Variants in KIAA1614 observed in about 807,000 individuals in gnomAD.
The protein encoded by KIAA1614 is KIAA1614.
KIAA1614 carries 76 observed loss-of-function variants against 88.7 expected under a neutral mutation model. That is an observed-to-expected ratio of 0.86 (90% CI 0.71 to 1.04). The LOEUF is 1.04. Among genes scored for constraint, KIAA1614 ranks in the 50% least tolerant of loss-of-function variants. The pLI is 0.00. For missense variants in KIAA1614, 1,553 were observed against 1,582.5 expected (o/e 0.98, Z 0.32); for synonymous variants, 714 against 675.5 (o/e 1.06, Z -0.88).
rs1367617427 is a variant in KIAA1614 at position 180,949,964 on chromosome 1, A to T, written c.*4376A>T. On this transcript the variant is annotated 3_prime_UTR_variant, in exon 9 of 9. Coordinates refer to ENST00000367588, the MANE Select transcript of KIAA1614 (RefSeq NM_020950.2). ...GAGTAGGTATGGTTCCTAATTTTTA[A>T]AAACTATTTTCCTCCCAATTCTACA... 6.6e-6 allele frequency: 1 copy of T among 152,342 alleles called. No individual in the cohort carries two copies. Among genetic ancestry groups the T allele is most frequent in the Non-Finnish European group, 1.5e-5 (1 of 68,110 alleles). The allele number at this position is 152,342 out of a possible 1,614,324, so 9.4% of individuals were successfully genotyped here.
rs766036901 is a variant in KIAA1614 at position 180,935,577 on chromosome 1, C to T, written c.1668C>T (p.Val556=). 2 of 1,608,198 alleles carry T rather than the reference C, an allele frequency of 1.2e-6. No homozygotes were observed. Among genetic ancestry groups the T allele is most frequent in the Non-Finnish European group, 1.7e-6 (2 of 1,177,824 alleles). Residue 556 remains valine, a synonymous_variant, in exon 5 of 9, where the codon GTC becomes GTT. Coordinates refer to ENST00000367588, the MANE Select transcript of KIAA1614 (RefSeq NM_020950.2). The surrounding 1 kb of genome is among the most constrained non-coding windows in gnomAD (Gnocchi z 6.1). ...CCGCCCAGGGGAAGGCGCCCCCCGT[C>T]CCCAGGACCCTCCAGGAGCTCCAGG... ...PRPAQGKAPP[V]PRTLQELQAA...
At chr1:180,943,827 C>T (rs1287330949) in intron 7 of KIAA1614, among the ~76,000 whole-genome samples, 1 of 152,026 alleles carries the variant, frequency 6.6e-6, no homozygotes, top group Non-Finnish European at 1.5e-5. Context: ...GGATTACAGG[C>T]ATGAGCCACT....
At chr1:180,921,187 T>G (rs1653946077) in intron 3 of KIAA1614, among the ~76,000 whole-genome samples, 1 of 135,714 alleles carries the variant, frequency 7.4e-6, no homozygotes, top group Non-Finnish European at 1.6e-5. Flanking sequence ...AAAATTACAA[T>G]CGAAGGGGGT....
rs1653681037 is a variant in KIAA1614, at chr1:180,913,016, G to C, written c.-228G>C. ...TCGCCGGGAGGGAGTGCGGCCCGTG[G>C]GGCGCTGCGCCGGCCAGACCCACCC... On this transcript the variant is annotated 5_prime_UTR_variant, in exon 1 of 9. Coordinates refer to ENST00000367588, the MANE Select transcript of KIAA1614 (RefSeq NM_020950.2). 2.1e-5 allele frequency: 6 copies of C among 283,278 alleles called. No individual in the cohort carries two copies. The highest frequency in any genetic ancestry group is 3.9e-5 in the Non-Finnish European group (6 of 153,200). The allele number at this position is 283,278 out of a possible 1,614,324, so 17.5% of individuals were successfully genotyped here. A position where few individuals can be genotyped will look rare whatever the true frequency, so the allele number is the denominator to read the frequency against.
At position 180,948,849 on chromosome 1, in the gene KIAA1614, G is replaced by C. The variant is rs1571305969; in HGVS notation, c.*3261G>C. 2.0e-5 allele frequency: 3 copies of C among 152,298 alleles called. No homozygotes were observed. The East Asian group carries it at 5.8e-4, about 29-fold the overall frequency. The allele number at this position is 152,298 out of a possible 1,614,324, so 9.4% of individuals were successfully genotyped here. ...GGGATTCTACACCTCAGACCAGGGA[G>C]GGGGAATGTGTACAAAGATTGGATT... is the stretch of plus-strand genomic sequence containing the variant. On this transcript the variant is annotated 3_prime_UTR_variant, in exon 9 of 9. Coordinates refer to ENST00000367588, the MANE Select transcript of KIAA1614 (RefSeq NM_020950.2).
chr1:180,921,455 CG>C (rs961668689), intron 3 of KIAA1614, among the ~76,000 whole-genome samples: 1 of 152,048 alleles, frequency 6.6e-6, no homozygotes, highest in Admixed American at 6.5e-5. Flanking sequence ...ACCTCTGTGG[CG>C]GGGGGAGTTA....
Position 180,925,980 on chromosome 1 carries a change from C to T in KIAA1614, c.1062-2450C>T, listed in dbSNP as rs887831080. Among the ~76,000 whole-genome samples, 85 of 152,226 alleles carry T rather than the reference C, an allele frequency of 5.6e-4. 1 individual carries two copies. Among genetic ancestry groups the T allele is most frequent in the Non-Finnish European group, 2.4e-4 (16 of 68,040 alleles). Reference sequence around the variant, plus strand: ...AGTCCTCTCCCCTCTCCAGCCCCCACTGCTTGCAGATGGGGAAACTGAGGC... The same window carrying T: ...AGTCCTCTCCCCTCTCCAGCCCCCATTGCTTGCAGATGGGGAAACTGAGGC... On this transcript the variant is annotated intron_variant, in intron 3 of 8. Transcript: ENST00000367588.
Position 180,941,081 on chromosome 1 carries a change from C to T in KIAA1614, c.2955C>T (p.Pro985=). The T allele has an allele frequency of 3.1e-6, 5 of 1,611,898 alleles. No individual in the cohort carries two copies. Among genetic ancestry groups the T allele is most frequent in the Admixed American group, 1.7e-5 (1 of 59,944 alleles). Residue 985 remains proline, a synonymous_variant, in exon 7 of 9, where the codon CCC becomes CCT. Transcript: ENST00000367588. ...GAGCTGGCACAGGACCCGGCTCCCC[C>T]TCGGCTGCCCCTTTGGACCAGAACA... ...SAGAGTGPGS[P]SAAPLDQNKK... is the part of the protein sequence containing the mutation.
At chr1:180,931,770 G>C (rs1478741291) in intron 4 of KIAA1614, among the ~76,000 whole-genome samples, 1 of 152,204 alleles carries the variant, frequency 6.6e-6, no homozygotes, top group Non-Finnish European at 1.5e-5. Context: ...GGGCTCCCTT[G>C]TTAGATTAGG....
At chr1:180,927,451 A>G (rs1460065679) in intron 3 of KIAA1614, among the ~76,000 whole-genome samples, 1 of 152,204 alleles carries the variant, frequency 6.6e-6, no homozygotes, top group Non-Finnish European at 1.5e-5. Flanking sequence ...TCCGCTTGCA[A>G]TTGACGTTCG....
intron 4 of KIAA1614, among the ~76,000 whole-genome samples, chr1:180,933,869 AG>A (rs1558069201): frequency 6.6e-6 from 1 of 152,244 alleles, no homozygotes; most frequent in Non-Finnish European, 1.5e-5. Flanking sequence ...TCAGGGGCCA[AG>A]GAGAAACATC....
chr1:180,950,471 C>A lies in KIAA1614; in HGVS notation c.*4883C>A. On this transcript the variant is annotated 3_prime_UTR_variant, in exon 9 of 9. Transcript: ENST00000367588. ...GCTGGGCTTGGCTCACATTAAGGAG[C>A]TCCTGGCCCACTCAGAGAGCTTGTC... 1 of 1,157,424 alleles carries A rather than the reference C, an allele frequency of 8.6e-7. No homozygotes were observed. The highest frequency in any genetic ancestry group is 3.9e-5 in the Admixed American group (1 of 25,424). 71.7% of individuals were successfully genotyped at this position (1,157,424 alleles called of 1,614,324 possible).
At position 180,935,102 on chromosome 1, in the gene KIAA1614, GTC is replaced by G; in HGVS notation, c.1206-9_1206-8del. ...TTCTGCCCTTGACCTCTCTCCTCCT[GTC>G]TCTTCATCAGAGATGGCCACAGAAG... On this transcript the variant is annotated splice_polypyrimidine_tract_variant and intron_variant, in intron 4 of 8. Transcript: ENST00000367588. The surrounding 1 kb of genome is among the most constrained non-coding windows in gnomAD (Gnocchi z 6.1). The G allele has an allele frequency of 2.8e-6, 4 of 1,404,820 alleles. 1 individual carries two copies. In the South Asian group the frequency reaches 5.4e-5, roughly 19 times the overall value. 87.0% of individuals were successfully genotyped at this position (1,404,820 alleles called of 1,614,324 possible).
Position 180,936,144 on chromosome 1 carries a change from A to G in KIAA1614, c.2235A>G (p.Thr745=). Residue 745 remains threonine, a synonymous_variant, in exon 5 of 9, where the codon ACA becomes ACG. Coordinates refer to ENST00000367588, the MANE Select transcript of KIAA1614 (RefSeq NM_020950.2). ...TGGATTCCCGGACTCCATGCAGGAC[A>G]GCCTATGCCACCACCGCCCCCATGA... ...HPLDSRTPCR[T]AYATTAPMTP... is the part of the protein sequence containing the mutation. 6.2e-7 allele frequency: 1 copy of G among 1,614,110 alleles called. No homozygotes were observed. Among genetic ancestry groups the G allele is most frequent in the Non-Finnish European group, 8.5e-7 (1 of 1,179,996 alleles).
At chr1:180,930,012 A>G (rs1654158871) in intron 4 of KIAA1614, among the ~76,000 whole-genome samples, 1 of 152,144 alleles carries the variant, frequency 6.6e-6, no homozygotes, top group Non-Finnish European at 1.5e-5. Context: ...TGTGACCCTT[A>G]GGAGAGGGGC....
chr1:180,945,876 G>T lies in KIAA1614; in HGVS notation c.*288G>T, dbSNP rs994456017. The stretch of plus-strand genomic sequence containing the variant: ...TCCCAGAACTTTGGGAGGCCGAGGC[G>T]CCTGGATCACCTGAGGTCAGGAGTT... On this transcript the variant is annotated 3_prime_UTR_variant, in exon 9 of 9. Transcript: ENST00000367588. The T allele has an allele frequency of 9.5e-7, 1 of 1,057,874 alleles. No homozygotes were observed. Among genetic ancestry groups the T allele is most frequent in the Admixed American group, 5.0e-5 (1 of 19,822 alleles). The allele number at this position is 1,057,874 out of a possible 1,614,324, so 65.5% of individuals were successfully genotyped here. A position where few individuals can be genotyped will look rare whatever the true frequency, so the allele number is the denominator to read the frequency against.
At chr1:180,927,369 G>A (rs1654091303) in intron 3 of KIAA1614, among the ~76,000 whole-genome samples, 1 of 152,250 alleles carries the variant, frequency 6.6e-6, no homozygotes, top group African/African-American at 2.4e-5. Context: ...CCTGCCCTGA[G>A]ACCCAAGGCA....
chr1:180,922,405 G>A (rs1355497217), intron 3 of KIAA1614, among the ~76,000 whole-genome samples: 1 of 152,096 alleles, frequency 6.6e-6, no homozygotes, highest in Non-Finnish European at 1.5e-5. Context: ...GTGAGTGATC[G>A]AGGACCAAAA....
chr1:180,924,108 A>G (rs1158811390), intron 3 of KIAA1614, among the ~76,000 whole-genome samples: 1 of 152,232 alleles, frequency 6.6e-6, no homozygotes, highest in Non-Finnish European at 1.5e-5. Context: ...ACCCTGTCCC[A>G]TGCTGCGTCA....
Sources: gnomAD v4.1 joint callset for allele counts (sites outside exome capture counted in the v4.1 genomes callset) on GRCh38, gnomAD v4.1.1 for gene constraint, Gnocchi (gnomAD v3.1) non-coding constraint, MANE v1.5 for transcripts, NCBI Gene and HGNC (gene_info 2026-07-23, HGNC 2026-07-21) for gene names.